KMT2B: variants seen among roughly 807,000 people sequenced by gnomAD.
KMT2B encodes histone-lysine N-methyltransferase 2B.
Under a neutral mutation model 255.3 loss-of-function variants are expected in KMT2B, and 22 were observed. That is an observed-to-expected ratio of 0.09 (90% CI 0.06 to 0.12). The LOEUF is 0.12. Ranked by LOEUF, KMT2B falls within the 10% of genes least tolerant of loss-of-function variation. The pLI is 1.00. For missense variants in KMT2B, 3,149 were observed against 3,737.0 expected, an observed-to-expected ratio of 0.84 and a Z score of 4.10; for synonymous variants, 1,730 against 1,498.1, an observed-to-expected ratio of 1.15 and a Z score of -3.57.
Position 35,720,675 on chromosome 19 carries a change from C to T in KMT2B, c.1328C>T (p.Ser443Phe), listed in dbSNP as rs746747525. ...PPPVSPPPLP[S>F]PPPPPAQEEQ... ...CCAGTGTCCCCACCACCTCTACCAT[C>T]CCCTCCACCGCCTCCTGCCCAAGAG... The change falls in exon 3 of 37, where the codon TCC becomes TTC. Residue 443 changes from serine to phenylalanine, a missense_variant. Around this residue, in one of 18 missense-constraint regions of KMT2B, gnomAD observed 1,188 missense variants for 1,106.4 expected, o/e 1.07. Coordinates refer to ENST00000420124, the MANE Select transcript of KMT2B (RefSeq NM_014727.3). 1.8e-6 allele frequency: 2 copies of T among 1,095,012 alleles called. No individual in the cohort carries two copies. The highest frequency in any genetic ancestry group is 1.6e-5 in the South Asian group (1 of 64,210). The allele number at this position is 1,095,012 out of a possible 1,614,324, so 67.8% of individuals were successfully genotyped here. A position where few individuals can be genotyped will look rare whatever the true frequency, so the allele number is the denominator to read the frequency against.
In KMT2B at chr19:35,721,206, C is replaced by CGGCG; in HGVS notation, c.1859_1860insGGCG (p.Pro621AlafsTer56). The CGGCG allele has an allele frequency of 5.2e-6, 8 of 1,532,324 alleles. No homozygotes were observed. The highest frequency in any genetic ancestry group is 7.0e-6 in the Non-Finnish European group (8 of 1,138,420). The allele number at this position is 1,532,324 out of a possible 1,614,324, so 94.9% of individuals were successfully genotyped here. On this transcript the variant is annotated frameshift_variant, in exon 3 of 37. Coordinates refer to ENST00000420124, the MANE Select transcript of KMT2B (RefSeq NM_014727.3). LOFTEE classifies it high-confidence loss of function. ...ACCTCACTGACCCGGGAGCTGCCCCCTCCTCCCCCAGCCCCTCCACCTCCC... is the reference window on the plus strand; with the variant it reads ...ACCTCACTGACCCGGGAGCTGCCCCCGGCGTCCTCCCCCAGCCCCTCCACCTCCC...
Position 35,733,067 on chromosome 19 carries a change from G to C in KMT2B, c.6518G>C (p.Arg2173Pro), listed in dbSNP as rs775118818. 6.3e-7 allele frequency: 1 copy of C among 1,576,296 alleles called. No individual in the cohort carries two copies. The highest frequency in any genetic ancestry group is 8.6e-7 in the Non-Finnish European group (1 of 1,160,928). The change falls in exon 28 of 37, where the codon CGG becomes CCG. Residue 2173 changes from arginine (R) to proline (P), a missense_variant. Around this residue, in one of 18 missense-constraint regions of KMT2B, gnomAD observed 897 missense variants for 825.3 expected, o/e 1.09. Transcript: ENST00000420124. The surrounding 1 kb of genome is among the most constrained non-coding windows in gnomAD (Gnocchi z 4.3). ...TGGCTCCCAGGGGCCCCAGGGGTCCGGGTGTTAAGCCTTGGCCCTGCCCCT... is the reference window on the plus strand; with the variant it reads ...TGGCTCCCAGGGGCCCCAGGGGTCCCGGTGTTAAGCCTTGGCCCTGCCCCT... ...FAWLPGAPGV[R>P]VLSLGPAPEP...
rs377080591 is a variant in KMT2B, at chr19:35,733,009, G to A, written c.6460G>A (p.Ala2154Thr). 51 of 1,594,764 alleles carry A rather than the reference G, an allele frequency of 3.2e-5. No homozygotes were observed. Among genetic ancestry groups the A allele is most frequent in the African/African-American group, 2.1e-4 (16 of 74,478 alleles). The part of the protein sequence containing the change: ...NGSQPSQGLT[A>T]SPADPTRTFA... ...CAGCCAGCCCTCCCAAGGCCTGACC[G>A]CCAGCCCAGCTGACCCCACCCGCAC... Residue 2154 changes from alanine (A) to threonine (T), a missense_variant, in exon 28 of 37, where the codon GCC becomes ACC. Coordinates refer to ENST00000420124, the MANE Select transcript of KMT2B (RefSeq NM_014727.3). The surrounding 1 kb of genome is among the most constrained non-coding windows in gnomAD (Gnocchi z 4.3).
chr19:35,731,380 G>A (rs770570718), intron 26 of KMT2B, among the ~76,000 whole-genome samples: 5 of 152,200 alleles, frequency 3.3e-5, no homozygotes, highest in Non-Finnish European at 7.3e-5. Flanking sequence ...AGAGCAGGAG[G>A]CAGAAGAGAT....
In KMT2B at chr19:35,723,669, T is replaced by A; in HGVS notation, c.3059-63T>A. 1 of 1,426,878 alleles carries A rather than the reference T, an allele frequency of 7.0e-7. No homozygotes were observed. Among genetic ancestry groups the A allele is most frequent in the Non-Finnish European group, 9.5e-7 (1 of 1,057,296 alleles). 88.4% of individuals were successfully genotyped at this position (1,426,878 alleles called of 1,614,324 possible). ...TTCCCTGCCCCGCTTCTTTCTGGCT[T>A]CTCTCCCAGTGTCCCATGTCCCTGG... On this transcript the variant is annotated intron_variant, in intron 7 of 36. Transcript: ENST00000420124. This position sits in a 1 kb window ranked among gnomAD's most constrained non-coding sequence, Gnocchi z 7.5.
Position 35,727,685 on chromosome 19 carries a change from C to T in KMT2B, c.4303-13C>T, listed in dbSNP as rs73590580. The T allele has an allele frequency of 1.8e-3, 2,850 of 1,613,506 alleles. 42 individuals carry two copies. The African/African-American group carries it at 0.035, about 20-fold the overall frequency. ...GGCCCACCCCCAGCCCTGCTAACTTCCCCGCTTTGCAGTGTGGGCCAGATG... is the reference window on the plus strand; with the variant it reads ...GGCCCACCCCCAGCCCTGCTAACTTTCCCGCTTTGCAGTGTGGGCCAGATG... On this transcript the variant is annotated splice_polypyrimidine_tract_variant and intron_variant, in intron 16 of 36. Transcript: ENST00000420124. The surrounding 1 kb of genome is among the most constrained non-coding windows in gnomAD (Gnocchi z 4.2).
rs769865593 is a variant in KMT2B, at chr19:35,721,666, A to G, written c.2319A>G (p.Glu773=). 10 of 1,613,050 alleles carry G rather than the reference A, an allele frequency of 6.2e-6. No homozygotes were observed. The highest frequency in any genetic ancestry group is 5.5e-5 in the South Asian group (5 of 91,020). ...PPSPQQMPPL[E]KARIAGVGSL... is the part of the protein sequence containing the mutation. ...CACCACAGCAGATGCCTCCCCTGGA[A>G]AAAGCCCGGATTGCGGGCGTGGGTT... The change falls in exon 3 of 37, where the codon GAA becomes GAG. Residue 773 remains glutamate (E), a synonymous_variant. Transcript: ENST00000420124.
At chr19:35,726,504 G>A (rs1969454064) in intron 14 of KMT2B, among the ~76,000 whole-genome samples, 151 bp downstream of exon 14, 1 of 152,150 alleles carries the variant, frequency 6.6e-6, no homozygotes, top group South Asian at 2.1e-4. Flanking sequence ...TTCCACAGGA[G>A]TCCATCCAGT....
At chr19:35,726,859 C>T (rs1057255858) in intron 14 of KMT2B, among the ~76,000 whole-genome samples, 15 of 151,990 alleles carry the variant, frequency 9.9e-5, no homozygotes, top group Admixed American at 9.2e-4. Flanking sequence ...TGGCGGGCAC[C>T]TGTAATCTCA....
Position 35,730,467 on chromosome 19 carries a change from GC to G in KMT2B, c.5197+6del. ...ATGCCATCAACGTGCTCATTGGTAA[GC>G]TGCCTGCTCTCCGCCCTGTCCTCCT... On this transcript the variant is annotated splice_donor_region_variant and intron_variant, in intron 24 of 36. Coordinates refer to ENST00000420124, the MANE Select transcript of KMT2B (RefSeq NM_014727.3). The G allele has an allele frequency of 1.2e-6, 2 of 1,613,908 alleles. No individual in the cohort carries two copies. The highest frequency in any genetic ancestry group is 1.7e-6 in the Non-Finnish European group (2 of 1,179,788).
rs1243097357 is a variant in KMT2B at position 35,723,894 on chromosome 19, A to G, written c.3221A>G (p.Lys1074Arg). 6.2e-7 allele frequency: 1 copy of G among 1,611,620 alleles called. No homozygotes were observed. Among genetic ancestry groups the G allele is most frequent in the South Asian group, 1.1e-5 (1 of 90,770 alleles). ...GAGCAGGACTCCCTCCTGCAGCGCAAGTCAGCTCGGCGCTGCGTCAAACAG... is the reference window on the plus strand; with the variant it reads ...GAGCAGGACTCCCTCCTGCAGCGCAGGTCAGCTCGGCGCTGCGTCAAACAG... Reference protein sequence around the residue: ...PEEQDSLLQRKSARRCVKQRP... With the variant: ...PEEQDSLLQRRSARRCVKQRP... The change falls in exon 8 of 37, where the codon AAG becomes AGG. Residue 1074 changes from lysine (K) to arginine (R), a missense_variant. By Grantham distance (26) the Lys-to-Arg change is conservative. Around this residue, in one of 18 missense-constraint regions of KMT2B, gnomAD observed 136 missense variants for 137.3 expected, o/e 0.99. Transcript: ENST00000420124. This position sits in a 1 kb window ranked among gnomAD's most constrained non-coding sequence, Gnocchi z 7.5.
At position 35,733,440 on chromosome 19, in the gene KMT2B, C is replaced by G. The variant is rs1338848121; in HGVS notation, c.6891C>G (p.Ala2297=). The part of the protein sequence containing the change: ...RSPPAPPPYK[A]PRLDEDGEAS... ...CGCCAGCACCTCCCCCATACAAAGCCCCCCGGCTGGATGAAGATGGAGAGG... is the reference window on the plus strand; with the variant it reads ...CGCCAGCACCTCCCCCATACAAAGCGCCCCGGCTGGATGAAGATGGAGAGG... The change falls in exon 28 of 37, where the codon GCC becomes GCG. Residue 2297 remains alanine (A), a synonymous_variant. Coordinates refer to ENST00000420124, the MANE Select transcript of KMT2B (RefSeq NM_014727.3). This position sits in a 1 kb window ranked among gnomAD's most constrained non-coding sequence, Gnocchi z 4.3. 4 of 1,558,104 alleles carry G rather than the reference C, an allele frequency of 2.6e-6. No individual in the cohort carries two copies. Among genetic ancestry groups the G allele is most frequent in the Non-Finnish European group, 3.5e-6 (4 of 1,151,246 alleles).
intron 3 of KMT2B, 138 bp downstream of exon 3, chr19:35,721,942 C>T: frequency 8.3e-7 from 1 of 1,206,040 alleles, no homozygotes; most frequent in Non-Finnish European, 1.1e-6. Flanking sequence ...TGATCCCCCA[C>T]CTTCCTTTGT....
rs749721720 is a variant in KMT2B at position 35,721,241 on chromosome 19, T to G, written c.1894T>G (p.Ser632Ala). The G allele has an allele frequency of 3.4e-5, 9 of 261,830 alleles. No homozygotes were observed. Among genetic ancestry groups the G allele is most frequent in the African/African-American group, 1.1e-4 (1 of 9,394 alleles). The allele number at this position is 261,830 out of a possible 1,614,324, so 16.2% of individuals were successfully genotyped here. A position where few individuals can be genotyped will look rare whatever the true frequency, so the allele number is the denominator to read the frequency against. Reference protein sequence around the residue: ...PPAPPPPPAPSPPPAPATSSR... With the variant: ...PPAPPPPPAPAPPPAPATSSR... ...AGCCCCTCCACCTCCCCCGGCCCCC[T>G]CCCCACCCCCTGCTCCTGCCACCTC... is the stretch of plus-strand genomic sequence containing the variant. Residue 632 changes from serine (S) to alanine (A), a missense_variant, in exon 3 of 37, where the codon TCC (serine) becomes GCC (alanine). This residue lies in a region of KMT2B where 1,188 missense variants were observed against 1,106.4 expected (regional missense o/e 1.07). Coordinates refer to ENST00000420124, the MANE Select transcript of KMT2B (RefSeq NM_014727.3).
In KMT2B at chr19:35,733,893, C is replaced by T; in HGVS notation, c.7159+21C>T. On this transcript the variant is annotated intron_variant, in intron 30 of 36. Coordinates refer to ENST00000420124, the MANE Select transcript of KMT2B (RefSeq NM_014727.3). This position sits in a 1 kb window ranked among gnomAD's most constrained non-coding sequence, Gnocchi z 4.3. ...TTCAGGTAGGGACCGGCCTTGCCCT[C>T]TCCCTCCTTGCCTGTGCCTGGCTCA... 2 of 1,557,100 alleles carry T rather than the reference C, an allele frequency of 1.3e-6. No homozygotes were observed. The highest frequency in any genetic ancestry group is 1.8e-6 in the Non-Finnish European group (2 of 1,131,224).
At chr19:35,728,583 G>A (rs1474616329) in intron 19 of KMT2B, among the ~76,000 whole-genome samples, 191 bp from the exon 20 acceptor site, 1 of 152,186 alleles carries the variant, frequency 6.6e-6, no homozygotes, top group Non-Finnish European at 1.5e-5. Flanking sequence ...GAAGAGTATT[G>A]CAGGCATGAG....
intron 26 of KMT2B, among the ~76,000 whole-genome samples, chr19:35,731,692 G>A (rs539193395): frequency 2.8e-4 from 43 of 152,300 alleles, no homozygotes; most frequent in African/African-American, 9.6e-4. Flanking sequence ...GGCAAGGAGC[G>A]AGTGGGGAGA....
Position 35,723,515 on chromosome 19 carries a change from A to G in KMT2B, c.3058+13A>G. Reference sequence around the variant, plus strand: ...CTGGCTAAAAAAGGTGACGAGCTTTAAGGAGCATTTCTTCTCAAAACCGTG... The same window carrying G: ...CTGGCTAAAAAAGGTGACGAGCTTTGAGGAGCATTTCTTCTCAAAACCGTG... On this transcript the variant is annotated intron_variant, in intron 7 of 36. Transcript: ENST00000420124. This position sits in a 1 kb window ranked among gnomAD's most constrained non-coding sequence, Gnocchi z 7.5. 1 of 1,560,222 alleles carries G rather than the reference A, an allele frequency of 6.4e-7. No homozygotes were observed. The highest frequency in any genetic ancestry group is 8.7e-7 in the Non-Finnish European group (1 of 1,152,726).
rs753269514 is a variant in KMT2B, at chr19:35,725,554, C to A, written c.3718C>A (p.His1240Asn). The A allele has an allele frequency of 1.1e-5, 17 of 1,610,800 alleles. No homozygotes were observed. Among genetic ancestry groups the A allele is most frequent in the African/African-American group, 1.3e-5 (1 of 74,958 alleles). The change falls in exon 12 of 37, where the codon CAT (histidine) becomes AAT (asparagine). Residue 1240 changes from histidine to asparagine, a missense_variant. His to Asn is a moderately conservative substitution (Grantham distance 68, BLOSUM62 1). Coordinates refer to ENST00000420124, the MANE Select transcript of KMT2B (RefSeq NM_014727.3). The surrounding 1 kb of genome is among the most constrained non-coding windows in gnomAD (Gnocchi z 4.1). ...GGAGGCCGAGCGGCCCCTGCCCCAGCATCACGACACCTGGTGCTGCCGTCG... is the reference window on the plus strand; with the variant it reads ...GGAGGCCGAGCGGCCCCTGCCCCAGAATCACGACACCTGGTGCTGCCGTCG... The part of the protein sequence containing the change: ...LEEAERPLPQ[H>N]HDTWCCRRCK...
Sources: gnomAD v4.1 joint callset for allele counts (sites outside exome capture counted in the v4.1 genomes callset) on GRCh38, gnomAD v4.1.1 for gene constraint, gnomAD v4.1.1 regional missense constraint, Gnocchi (gnomAD v3.1) non-coding constraint, MANE v1.5 for transcripts, NCBI Gene and HGNC (gene_info 2026-07-23, HGNC 2026-07-21) for gene names.